Variants in CLVS1 observed in about 807,000 individuals in gnomAD.
The protein encoded by CLVS1 is clavesin 1, also known as clavesin-1.
A neutral mutation model predicts 33.1 loss-of-function variants in CLVS1; 10 were observed. The observed-to-expected ratio is 0.30, with a 90% confidence interval of 0.19 to 0.51. CLVS1 has a LOEUF of 0.51. CLVS1 is among the 20% of genes least tolerant of loss of function. The pLI, the probability that CLVS1 is intolerant of heterozygous loss-of-function variation, is 0.97. For missense variants in CLVS1, 343 were observed against 433.4 expected, an observed-to-expected ratio of 0.79 and a Z score of 1.85; for synonymous variants, 163 against 166.1, an observed-to-expected ratio of 0.98 and a Z score of 0.14.
At chr8:61,359,128 A>G (rs947676516) in intron 2 of CLVS1, among the ~76,000 whole-genome samples, 1 of 152,148 alleles carries the variant, frequency 6.6e-6, no homozygotes, top group African/African-American at 2.4e-5. Context: ...ACGGTTTATT[A>G]TGACTGCTAT....
At chr8:61,333,876 C>T (rs375957208) in intron 2 of CLVS1, among the ~76,000 whole-genome samples, 1 of 151,940 alleles carries the variant, frequency 6.6e-6, no homozygotes, top group East Asian at 1.9e-4. Flanking sequence ...TCCAATAGAC[C>T]CCAGTGTGTG....
chr8:61,243,357 A>G (rs926161126), intron 2 of CLVS1, among the ~76,000 whole-genome samples: 2 of 152,220 alleles, frequency 1.3e-5, no homozygotes, highest in Non-Finnish European at 2.9e-5. Context: ...GGCCAGGCAG[A>G]GGCTTGGGCA....
intron 2 of CLVS1, among the ~76,000 whole-genome samples, chr8:61,168,618 C>T (rs988227767): frequency 6.6e-6 from 1 of 152,232 alleles, no homozygotes; most frequent in Non-Finnish European, 1.5e-5. Context: ...CTTCCAACGT[C>T]TGGCTGCAAA....
At chr8:61,073,044 T>A (rs1325709838) in intron 1 of CLVS1, among the ~76,000 whole-genome samples, 1 of 152,238 alleles carries the variant, frequency 6.6e-6, no homozygotes, top group Non-Finnish European at 1.5e-5. Flanking sequence ...ACACTTATTA[T>A]ATTTATGATA....
At chr8:61,067,962 C>A (rs1360471650) in intron 1 of CLVS1, among the ~76,000 whole-genome samples, 2 of 150,048 alleles carry the variant, frequency 1.3e-5, no homozygotes, top group Non-Finnish European at 2.9e-5. Flanking sequence ...ACATGTACCC[C>A]CTAAATCTAA....
rs1039889337 is a variant in CLVS1, at chr8:61,496,630, G to A, written c.978-2825G>A. On this transcript the variant is annotated intron_variant, in intron 5 of 5. Transcript: ENST00000325897. Reference sequence around the variant, plus strand: ...ATTTTGCTTTCAAAGGTTCAGCTTGGTATATAAGGTTGGACTGTTTGAATG... The same window carrying A: ...ATTTTGCTTTCAAAGGTTCAGCTTGATATATAAGGTTGGACTGTTTGAATG... Among the ~76,000 whole-genome samples the A allele has an allele frequency of 4.0e-5, 6 of 149,528 alleles. No individual in the cohort carries two copies. The Admixed American group carries it at 4.1e-4, about 10-fold the overall frequency.
At chr8:61,171,354 T>A (rs2129298507) in intron 2 of CLVS1, among the ~76,000 whole-genome samples, 1 of 152,318 alleles carries the variant, frequency 6.6e-6, no homozygotes, top group Admixed American at 6.5e-5. Flanking sequence ...TAAGTGGATT[T>A]TTTTTCTTTT....
chr8:61,304,288 T>A (rs761938958), intron 2 of CLVS1, among the ~76,000 whole-genome samples: 1 of 152,220 alleles, frequency 6.6e-6, no homozygotes, highest in East Asian at 1.9e-4. Context: ...GGAAACACTA[T>A]CCCGTGAGGG....
At chr8:61,061,063 C>T (rs1396268152) in intron 1 of CLVS1, among the ~76,000 whole-genome samples, 4 of 152,134 alleles carry the variant, frequency 2.6e-5, no homozygotes, top group African/African-American at 9.7e-5. Context: ...TCACTCCCTG[C>T]CTCTTTATAT....
chr8:61,396,820 T>C (rs932916811), intron 3 of CLVS1, among the ~76,000 whole-genome samples: 4 of 152,196 alleles, frequency 2.6e-5, no homozygotes, highest in African/African-American at 9.6e-5. Flanking sequence ...GGCTTCTTTC[T>C]CTCAGCATAA....
chr8:61,343,685 T>C (rs1812105029), intron 2 of CLVS1, among the ~76,000 whole-genome samples: 1 of 152,160 alleles, frequency 6.6e-6, no homozygotes, highest in African/African-American at 2.4e-5. Context: ...TTGGAGCCAG[T>C]TGCAAAATTA....
chr8:61,276,466 C>A (rs886257519), intron 2 of CLVS1, among the ~76,000 whole-genome samples: 1 of 152,188 alleles, frequency 6.6e-6, no homozygotes, highest in East Asian at 1.9e-4. Context: ...TAAAGTTGTA[C>A]TTCTGGCAAC....
rs533473294 is a variant in CLVS1, at chr8:61,238,778, T to C, written c.-151-60899T>C. Among the ~76,000 whole-genome samples, 6 of 152,382 alleles carry C rather than the reference T, an allele frequency of 3.9e-5. No individual in the cohort carries two copies. In the South Asian group the frequency reaches 8.3e-4, roughly 21 times the overall value. On this transcript the variant is annotated intron_variant, in intron 2 of 2. Coordinates refer to the CLVS1 transcript ENST00000522621. ...AGAAGATTCCATCAAATGAAGATAA[T>C]TTATTTAATCAATCTGCTATTGGAG...
intron 2 of CLVS1, among the ~76,000 whole-genome samples, chr8:61,141,404 C>A (rs62524523): frequency 0.23 from 34,834 of 152,018 alleles, 4,185 homozygotes; most frequent in Admixed American, 0.33. Flanking sequence ...ATGTTATGTG[C>A]ATACACACAC....
the CLVS1 span, among the ~76,000 whole-genome samples, chr8:61,007,759 G>A: frequency 6.6e-6 from 1 of 152,214 alleles, no homozygotes; most frequent in East Asian, 1.9e-4. Context: ...GGACGTGCAG[G>A]ACACAGTGGC....
intron 2 of CLVS1, among the ~76,000 whole-genome samples, chr8:61,249,094 G>T (rs557961928): frequency 2.0e-5 from 3 of 152,188 alleles, no homozygotes; most frequent in African/African-American, 7.2e-5. Context: ...GCCCCAGTGT[G>T]TGATGTTCTC....
At chr8:61,251,038 A>G (rs111475894) in intron 2 of CLVS1, among the ~76,000 whole-genome samples, 22,046 of 152,068 alleles carry the variant, frequency 0.14, 3,360 homozygotes, top group East Asian at 0.68. Context: ...TCAGTATGAT[A>G]TTGGCTGTGG....
intron 2 of CLVS1, among the ~76,000 whole-genome samples, chr8:61,374,689 A>G (rs2129601493): frequency 6.6e-6 from 1 of 152,364 alleles, no homozygotes; most frequent in African/African-American, 2.4e-5. Context: ...AAAGGAAACC[A>G]TAATGACAAA....
At position 61,363,957 on chromosome 8, in the gene CLVS1, A is replaced by G. The variant is rs556795456; in HGVS notation, c.456-12648A>G. On this transcript the variant is annotated intron_variant, in intron 2 of 5. Transcript: ENST00000325897. The stretch of plus-strand genomic sequence containing the variant: ...AAATCCTAAGAACTCCCACATCTCT[A>G]TCCTGACACATCTGGTCCTGCCAAT... Among the ~76,000 whole-genome samples, 9 of 152,192 alleles carry G rather than the reference A, an allele frequency of 5.9e-5. No homozygotes were observed. The South Asian group carries it at 1.9e-3, about 32-fold the overall frequency.
Sources: gnomAD v4.1 joint callset for allele counts (sites outside exome capture counted in the v4.1 genomes callset) on GRCh38, gnomAD v4.1.1 for gene constraint, MANE v1.5 for transcripts, NCBI Gene and HGNC (gene_info 2026-07-23, HGNC 2026-07-21) for gene names.